The following RBM6 variants were observed in gnomAD, a reference collection of about 807,000 sequenced individuals.
RBM6 encodes the protein RNA binding motif protein 6, also known as RNA-binding protein 6.
A neutral mutation model predicts 140.4 loss-of-function variants in RBM6; 23 were observed. That is an observed-to-expected ratio of 0.16 (90% CI 0.12 to 0.23). RBM6 has a LOEUF of 0.23. Ranked by LOEUF, RBM6 falls within the 10% of genes least tolerant of loss-of-function variation. The pLI is 1.00. For synonymous variants in RBM6, 439 were observed against 475.6 expected, an observed-to-expected ratio of 0.92 and a Z score of 1.00; for missense variants, 1,139 against 1,386.7, an observed-to-expected ratio of 0.82 and a Z score of 2.84.
chr3:49,970,865 C>T (rs2084757067), intron 3 of RBM6, among the ~76,000 whole-genome samples: 1 of 152,048 alleles, frequency 6.6e-6, no homozygotes, highest in South Asian at 2.1e-4. Context: ...CACAGTGGCT[C>T]ATGCCTGTAA....
intron 6 of RBM6, among the ~76,000 whole-genome samples, chr3:50,015,641 C>A (rs1424708515): frequency 2.0e-5 from 3 of 151,540 alleles, no homozygotes; most frequent in Admixed American, 2.0e-4. Flanking sequence ...ACCATGTTAG[C>A]CAGGATGGTC....
In RBM6 at chr3:50,061,995, C is replaced by A. The variant is rs143474956; in HGVS notation, c.2473C>A (p.Pro825Thr). 1.9e-6 allele frequency: 3 copies of A among 1,613,762 alleles called. No homozygotes were observed. The highest frequency in any genetic ancestry group is 2.7e-5 in the African/African-American group (2 of 74,908). ...CTATGTGCCCCAGGATCCTGGATTA[C>A]CTGAGGAAGAAGAGATCAAGGAAAA... is the stretch of plus-strand genomic sequence containing the variant. The part of the protein sequence containing the change: ...EVYVPQDPGL[P>T]EEEEIKEKKP... The change falls in exon 15 of 21, where the codon CCT becomes ACT. Residue 825 changes from proline (P) to threonine (T), a missense_variant. Coordinates refer to ENST00000266022, the MANE Select transcript of RBM6 (RefSeq NM_005777.3).
chr3:50,075,614 A>C (rs971221590), intron 20 of RBM6, among the ~76,000 whole-genome samples: 3 of 152,210 alleles, frequency 2.0e-5, no homozygotes, highest in Non-Finnish European at 4.4e-5. Flanking sequence ...TTGAGACTGA[A>C]GAATCATTTG....
chr3:49,967,376 A>T lies in RBM6; in HGVS notation c.45-94A>T. 1 of 1,510,082 alleles carries T rather than the reference A, an allele frequency of 6.6e-7. No homozygotes were observed. The highest frequency in any genetic ancestry group is 1.4e-5 in the South Asian group (1 of 72,006). 93.5% of individuals were successfully genotyped at this position (1,510,082 alleles called of 1,614,324 possible). A position where few individuals can be genotyped will look rare whatever the true frequency, so the allele number is the denominator to read the frequency against. ...GAACTCTGCCAAAAAAAAAATGTTT[A>T]CAGAAGAATGTGCTGTGATTAGAGA... On this transcript the variant is annotated intron_variant, in intron 2 of 20. Coordinates refer to ENST00000266022, the MANE Select transcript of RBM6 (RefSeq NM_005777.3). This position sits in a 1 kb window ranked among gnomAD's most constrained non-coding sequence, Gnocchi z 4.0.
At chr3:49,965,252 T>G (rs185098236) in intron 2 of RBM6, among the ~76,000 whole-genome samples, 59 of 152,346 alleles carry the variant, frequency 3.9e-4, no homozygotes, top group South Asian at 1.0e-3. Flanking sequence ...ACCTCAGTCC[T>G]CATCCCATGA....
chr3:49,978,939 A>G (rs1273769632), intron 5 of RBM6, among the ~76,000 whole-genome samples: 1 of 152,190 alleles, frequency 6.6e-6, no homozygotes, highest in Non-Finnish European at 1.5e-5. Flanking sequence ...CAGGAGTAAA[A>G]TGTCTTTTGG....
At chr3:50,031,880 G>T (rs1313953374) in intron 6 of RBM6, among the ~76,000 whole-genome samples, 1 of 152,072 alleles carries the variant, frequency 6.6e-6, no homozygotes, top group Admixed American at 6.6e-5. Context: ...TGCATGAGGG[G>T]ATGGATACTC....
intron 5 of RBM6, among the ~76,000 whole-genome samples, chr3:49,996,291 T>C (rs2086083988): frequency 6.6e-6 from 1 of 152,230 alleles, no homozygotes; most frequent in African/African-American, 2.4e-5. Context: ...CTGGCAATGT[T>C]GGACTTACCT....
intron 7 of RBM6, among the ~76,000 whole-genome samples, chr3:50,051,191 T>G (rs2089451836): frequency 6.6e-6 from 1 of 151,740 alleles, no homozygotes; most frequent in Non-Finnish European, 1.5e-5. Flanking sequence ...AATACAAAAT[T>G]TAACTGGGTG....
chr3:49,975,916 T>G (rs1481029519), intron 5 of RBM6, among the ~76,000 whole-genome samples: 1 of 152,222 alleles, frequency 6.6e-6, no homozygotes, highest in African/African-American at 2.4e-5. Flanking sequence ...ACATCTGTTC[T>G]GTGGTCTGAA....
intron 6 of RBM6, among the ~76,000 whole-genome samples, chr3:50,032,933 C>T (rs931391815): frequency 2.6e-5 from 4 of 151,250 alleles, no homozygotes; most frequent in Non-Finnish European, 5.9e-5. Flanking sequence ...TGCAGTGAGC[C>T]GAGATCGTGC....
chr3:50,000,602 A>G (rs530323342), intron 6 of RBM6, among the ~76,000 whole-genome samples: 1 of 152,058 alleles, frequency 6.6e-6, no homozygotes, highest in African/African-American at 2.4e-5. Flanking sequence ...TATTTTTAGT[A>G]GAGATGGGGT....
chr3:49,987,943 A>G (rs919971089), intron 5 of RBM6, among the ~76,000 whole-genome samples: 2 of 152,094 alleles, frequency 1.3e-5, no homozygotes, highest in Non-Finnish European at 2.9e-5. Flanking sequence ...CGGTCATCAA[A>G]GATAATGTTT....
At chr3:50,042,733 G>T (rs2088997216) in intron 6 of RBM6, among the ~76,000 whole-genome samples, 1 of 151,962 alleles carries the variant, frequency 6.6e-6, no homozygotes, top group Non-Finnish European at 1.5e-5. Flanking sequence ...GGCAACAGAA[G>T]CGAGACCCTG....
Position 49,962,674 on chromosome 3 carries a change from T to C in RBM6, c.33T>C (p.Thr11=). 1.9e-6 allele frequency: 3 copies of C among 1,575,472 alleles called. No homozygotes were observed. Among genetic ancestry groups the C allele is most frequent in the Non-Finnish European group, 2.6e-6 (3 of 1,167,224 alleles). MWGDSRPANR[T]GPFRGSQEER... is the part of the protein sequence containing the mutation. ...GGGATTCTCGACCTGCTAACAGAAC[T>C]GGACCTTTTCGGTAAGTTCTCAAAT... Residue 11 remains threonine, a synonymous_variant, in exon 2 of 21, where the codon ACT becomes ACC. Coordinates refer to ENST00000266022, the MANE Select transcript of RBM6 (RefSeq NM_005777.3).
At chr3:50,041,451 G>T (rs913307360) in intron 6 of RBM6, among the ~76,000 whole-genome samples, 1 of 152,130 alleles carries the variant, frequency 6.6e-6, no homozygotes, top group Non-Finnish European at 1.5e-5. Context: ...TTTTGGTTTG[G>T]CCTTTGGGAA....
At chr3:49,968,782 T>TC in intron 3 of RBM6, 34 bp downstream of exon 3, 2 of 1,299,426 alleles carry the variant, frequency 1.5e-6, no homozygotes, top group Non-Finnish European at 2.1e-6. Flanking sequence ...TTTTTTTTTT[T>TC]TTTTTTTTTT....
intron 10 of RBM6, 184 bp downstream of exon 10, chr3:50,058,746 C>T (rs1259472825): frequency 6.5e-6 from 3 of 464,400 alleles, no homozygotes; most frequent in Non-Finnish European, 1.1e-5. Context: ...AACCCTGTCT[C>T]TACTAAAAAA....
chr3:50,035,325 C>T (rs1222914504), intron 6 of RBM6, among the ~76,000 whole-genome samples: 1 of 152,046 alleles, frequency 6.6e-6, no homozygotes, highest in Admixed American at 6.6e-5. Flanking sequence ...CATAGCCTTT[C>T]AACAGGATAG....
Sources: allele counts gnomAD v4.1 joint callset (sites outside exome capture counted in the v4.1 genomes callset), GRCh38; gene constraint gnomAD v4.1.1; non-coding constraint Gnocchi (gnomAD v3.1); transcripts MANE v1.5; gene names NCBI Gene and HGNC (gene_info 2026-07-23, HGNC 2026-07-21).